CNTN5: variants seen among roughly 807,000 people sequenced by gnomAD.
The protein encoded by CNTN5 is contactin 5, also known as contactin-5.
A neutral mutation model predicts 129.1 loss-of-function variants in CNTN5; 77 were observed. The observed-to-expected ratio is 0.60, with a 90% CI of 0.50 to 0.72. The LOEUF is 0.72. CNTN5 is among the 30% of genes least tolerant of loss of function. The pLI, the probability that CNTN5 is intolerant of heterozygous loss-of-function variation, is 0.00. For missense variants in CNTN5, 1,478 were observed against 1,328.8 expected, an observed-to-expected ratio of 1.11 and a Z score of -1.75; for synonymous variants, 509 against 465.6, an observed-to-expected ratio of 1.09 and a Z score of -1.20.
intron 1 of CNTN5, among the ~76,000 whole-genome samples, chr11:99,301,995 A>T (rs1864664744): frequency 6.6e-6 from 1 of 151,648 alleles, no homozygotes; most frequent in South Asian, 2.1e-4. Flanking sequence ...CAAAGACAAA[A>T]AGCTTCAGTA....
chr11:99,408,446 A>AAGAAAGAAAGAAAGAAAGAAAGAG (rs1565557829), intron 2 of CNTN5, among the ~76,000 whole-genome samples: 3 of 18,650 alleles, frequency 1.6e-4, no homozygotes, highest in African/African-American at 3.7e-4. Flanking sequence ...GAAAGAAAGA[A>AAGAAAGAAAGAAAGAAAGAAAGAG]AGAGAAAGAA....
chr11:99,193,573 T>G (rs1029313389), intron 1 of CNTN5, among the ~76,000 whole-genome samples: 5 of 152,150 alleles, frequency 3.3e-5, no homozygotes, highest in African/African-American at 1.2e-4. Flanking sequence ...GTCCTTCACT[T>G]GAGCTGTTCA....
At chr11:99,375,876 A>G (rs1324918800) in intron 2 of CNTN5, among the ~76,000 whole-genome samples, 4 of 152,324 alleles carry the variant, frequency 2.6e-5, no homozygotes, top group African/African-American at 9.6e-5. Context: ...TTTAAATTAA[A>G]AAGCTGAATT....
At chr11:99,387,070 C>A (rs1314998492) in intron 2 of CNTN5, among the ~76,000 whole-genome samples, 1 of 151,982 alleles carries the variant, frequency 6.6e-6, no homozygotes, top group Non-Finnish European at 1.5e-5. Flanking sequence ...TGTTATCTCC[C>A]AGTCCATATA....
At chr11:99,022,424 G>C (rs963257170) in intron 1 of CNTN5, among the ~76,000 whole-genome samples, 4 of 152,116 alleles carry the variant, frequency 2.6e-5, no homozygotes, top group African/African-American at 7.2e-5. Flanking sequence ...AAAAAATAAT[G>C]ATTAGGTCAT....
chr11:99,900,583 A>T (rs1440812110), intron 6 of CNTN5, among the ~76,000 whole-genome samples: 3 of 151,934 alleles, frequency 2.0e-5, no homozygotes, highest in Non-Finnish European at 4.4e-5. Context: ...TTGTTGTTTA[A>T]CATGATCTTT....
At chr11:100,153,889 TTA>T (rs1396072443) in intron 13 of CNTN5, among the ~76,000 whole-genome samples, 3 of 151,634 alleles carry the variant, frequency 2.0e-5, no homozygotes, top group Non-Finnish European at 4.4e-5. Context: ...TTCAAATCTG[TTA>T]GTATAAGTTT....
chr11:99,137,211 TG>T (rs1433885283), intron 1 of CNTN5, among the ~76,000 whole-genome samples: 4 of 152,198 alleles, frequency 2.6e-5, no homozygotes, highest in African/African-American at 9.6e-5. Flanking sequence ...ACAGAATATT[TG>T]CAGATACACT....
At chr11:99,832,903 T>C (rs1947189138) in intron 4 of CNTN5, among the ~76,000 whole-genome samples, 1 of 152,188 alleles carries the variant, frequency 6.6e-6, no homozygotes, top group Admixed American at 6.6e-5. Flanking sequence ...GGCAGAACAG[T>C]TGCAGCCTGG....
intron 6 of CNTN5, among the ~76,000 whole-genome samples, chr11:99,868,261 A>C (rs570998981): frequency 6.6e-6 from 1 of 152,000 alleles, no homozygotes; most frequent in East Asian, 1.9e-4. Context: ...TAAAACAATC[A>C]GAGAACAAAG....
At chr11:99,919,061 A>T (rs1429078980) in intron 7 of CNTN5, among the ~76,000 whole-genome samples, 1 of 152,138 alleles carries the variant, frequency 6.6e-6, no homozygotes, top group Admixed American at 6.6e-5. Context: ...TTAAGGATAA[A>T]AACCCCTTCC....
chr11:99,820,736 G>A (rs1438333409), intron 4 of CNTN5, among the ~76,000 whole-genome samples: 1 of 152,138 alleles, frequency 6.6e-6, no homozygotes, highest in Admixed American at 6.5e-5. Flanking sequence ...TTTTCACAAG[G>A]TCACACTGCT....
intron 2 of CNTN5, among the ~76,000 whole-genome samples, chr11:99,377,776 G>A (rs1449828200): frequency 1.0e-4 from 14 of 136,198 alleles, no homozygotes; most frequent in Non-Finnish European, 2.0e-4. Flanking sequence ...GAGATGTACA[G>A]ATTAGTTCCT....
intron 7 of CNTN5, among the ~76,000 whole-genome samples, chr11:99,928,433 C>T (rs1017112503): frequency 3.9e-5 from 6 of 152,218 alleles, no homozygotes; most frequent in African/African-American, 1.4e-4. Flanking sequence ...CTGCAGCAAG[C>T]TTCTGCCTGG....
intron 1 of CNTN5, among the ~76,000 whole-genome samples, chr11:99,186,670 T>A (rs2135579815): frequency 6.6e-6 from 1 of 152,118 alleles, no homozygotes; most frequent in South Asian, 2.1e-4. Flanking sequence ...AGTACCCACA[T>A]TCTCTAAGGA....
At chr11:99,472,251 A>G (rs1026893861) in intron 2 of CNTN5, among the ~76,000 whole-genome samples, 2 of 152,112 alleles carry the variant, frequency 1.3e-5, no homozygotes, top group Admixed American at 1.3e-4. Context: ...CTGGCTCATC[A>G]TTTTCCAGGA....
intron 9 of CNTN5, among the ~76,000 whole-genome samples, chr11:100,030,209 TA>T (rs1194577945): frequency 1.7e-5 from 1 of 57,916 alleles, no homozygotes; most frequent in Non-Finnish European, 2.8e-5. Flanking sequence ...ACCCCATCTC[TA>T]AAAAGAAAAA....
At chr11:99,127,296 ATGT>A (rs1166164649) in intron 1 of CNTN5, among the ~76,000 whole-genome samples, 4 of 152,156 alleles carry the variant, frequency 2.6e-5, no homozygotes, top group African/African-American at 9.7e-5. Flanking sequence ...TCTGTCTTCA[ATGT>A]CATAAATGTT....
At chr11:100,109,283 A>G (rs1591261585) in intron 13 of CNTN5, among the ~76,000 whole-genome samples, 1 of 152,070 alleles carries the variant, frequency 6.6e-6, no homozygotes, top group Non-Finnish European at 1.5e-5. Context: ...AAAATTAGCC[A>G]GGCGTGTTGA....
Sources: allele counts gnomAD v4.1 joint callset (sites outside exome capture counted in the v4.1 genomes callset), GRCh38; gene constraint gnomAD v4.1.1; transcripts MANE v1.5; gene names NCBI Gene and HGNC (gene_info 2026-07-23, HGNC 2026-07-21).